ZHX3: variants seen among roughly 807,000 people sequenced by gnomAD.
ZHX3 encodes zinc fingers and homeoboxes protein 3.
Under a neutral mutation model 64.5 loss-of-function variants are expected in ZHX3, and 20 were observed. The observed-to-expected ratio is 0.31, with a 90% confidence interval of 0.22 to 0.45. The LOEUF (loss-of-function observed/expected upper bound fraction) is 0.45. Ranked by LOEUF, ZHX3 falls within the 20% of genes least tolerant of loss-of-function variation. The pLI, the probability that ZHX3 is intolerant of heterozygous loss-of-function variation, is 1.00. For missense variants in ZHX3, 1,041 were observed against 1,195.8 expected (o/e 0.87, Z 1.91); for synonymous variants, 423 against 461.6 (o/e 0.92, Z 1.07).
intron 1 of ZHX3, among the ~76,000 whole-genome samples, chr20:41,283,446 C>T (rs551722990): frequency 3.3e-5 from 5 of 152,288 alleles, no homozygotes; most frequent in African/African-American, 1.2e-4. Flanking sequence ...CCTGGGGAGA[C>T]AGTCACTGAA....
At chr20:41,262,644 G>A (rs6102331) in intron 2 of ZHX3, among the ~76,000 whole-genome samples, 1 of 152,198 alleles carries the variant, frequency 6.6e-6, no homozygotes, top group African/African-American at 2.4e-5. Context: ...CAACCTTGAA[G>A]GCAGGGACAG....
At chr20:41,220,373 G>C (rs766256120) in intron 2 of ZHX3, among the ~76,000 whole-genome samples, 2 of 152,230 alleles carry the variant, frequency 1.3e-5, no homozygotes, top group Non-Finnish European at 2.9e-5. Flanking sequence ...TGGAGAGCTA[G>C]AAAGGATTCA....
Position 41,181,903 on chromosome 20 carries a change from T to G in ZHX3, c.*3288A>C, listed in dbSNP as rs1487494597. 1 of 152,214 alleles carries G rather than the reference T, an allele frequency of 6.6e-6. No individual in the cohort carries two copies. The highest frequency in any genetic ancestry group is 1.5e-5 in the Non-Finnish European group (1 of 68,068). 9.4% of individuals were successfully genotyped at this position (152,214 alleles called of 1,614,324 possible). On this transcript the variant is annotated 3_prime_UTR_variant, in exon 4 of 4. Coordinates refer to ENST00000683867, the MANE Select transcript of ZHX3 (RefSeq NM_001384317.1). ...TTGTGTCAAGGTGCTTTGGTCCACCTGAACAGCCACCTGTCACTCAGCCAA... is the reference window on the plus strand; with the variant it reads ...TTGTGTCAAGGTGCTTTGGTCCACCGGAACAGCCACCTGTCACTCAGCCAA...
rs778697767 is a variant in ZHX3, at chr20:41,202,993, G to C, written c.1924C>G (p.Leu642Val). The change falls in exon 3 of 4, where the codon CTG (leucine) becomes GTG (valine). Residue 642 changes from leucine to valine, a missense_variant. This residue lies in a region of ZHX3 where 649 missense variants were observed against 739.8 expected (regional missense o/e 0.88). Coordinates refer to ENST00000683867, the MANE Select transcript of ZHX3 (RefSeq NM_001384317.1). This position sits in a 1 kb window ranked among gnomAD's most constrained non-coding sequence, Gnocchi z 7.0. ...TTGGTTTCACTTCTCAGGCGGTCCA[G>C]TTCCTCATCAAGAGGAAGAGGGTTT... ...AQNPLPLDEE[L>V]DRLRSETKMT... 1.2e-6 allele frequency: 2 copies of C among 1,614,138 alleles called. No homozygotes were observed. The highest frequency in any genetic ancestry group is 4.5e-5 in the East Asian group (2 of 44,884).
chr20:41,271,702 C>T (rs757379811), intron 1 of ZHX3, among the ~76,000 whole-genome samples: 9 of 152,160 alleles, frequency 5.9e-5, no homozygotes, highest in Non-Finnish European at 1.0e-4. Flanking sequence ...CTGAGTAAGA[C>T]GCTCTTCTCA....
At chr20:41,276,766 G>A (rs1182227313) in intron 1 of ZHX3, among the ~76,000 whole-genome samples, 1 of 152,132 alleles carries the variant, frequency 6.6e-6, no homozygotes, top group Non-Finnish European at 1.5e-5. Context: ...CTGCTAGACA[G>A]GAAAAAGGAG....
chr20:41,278,886 C>T (rs1007542287), intron 1 of ZHX3, among the ~76,000 whole-genome samples: 8 of 150,332 alleles, frequency 5.3e-5, no homozygotes, highest in Non-Finnish European at 5.9e-5. Flanking sequence ...CATTCTCCTG[C>T]CTCAGCCTCC....
chr20:41,237,601 CA>C (rs2041096543), intron 2 of ZHX3, among the ~76,000 whole-genome samples: 1 of 152,024 alleles, frequency 6.6e-6, no homozygotes, highest in African/African-American at 2.4e-5. Flanking sequence ...CATCACTCAC[CA>C]GGGCCTGTTG....
intron 2 of ZHX3, among the ~76,000 whole-genome samples, chr20:41,214,646 A>T (rs1185647290): frequency 6.6e-6 from 1 of 152,236 alleles, no homozygotes; most frequent in Non-Finnish European, 1.5e-5. Flanking sequence ...TTTTAGCAAC[A>T]TTACCCATTT....
chr20:41,293,298 A>G (rs1458847145), intron 1 of ZHX3, among the ~76,000 whole-genome samples: 1 of 152,244 alleles, frequency 6.6e-6, no homozygotes, highest in Non-Finnish European at 1.5e-5. Flanking sequence ...GGTAATTTGT[A>G]TGCACATCAC....
At chr20:41,261,170 A>C (rs948636523) in intron 2 of ZHX3, among the ~76,000 whole-genome samples, 2 of 152,232 alleles carry the variant, frequency 1.3e-5, no homozygotes, top group African/African-American at 4.8e-5. Flanking sequence ...CAATGTGAGA[A>C]GGAAGAGAGA....
In ZHX3 at chr20:41,204,318, T is replaced by C. The variant is rs1369813843; in HGVS notation, c.599A>G (p.His200Arg). The C allele has an allele frequency of 1.9e-6, 3 of 1,614,084 alleles. No individual in the cohort carries two copies. Among genetic ancestry groups the C allele is most frequent in the African/African-American group, 1.3e-5 (1 of 74,924 alleles). ...MKGKAEAKKI[H>R]TLKENVPSQP... The stretch of plus-strand genomic sequence containing the variant: ...GCTAGGGACATTCTCCTTGAGTGTA[T>C]GAATTTTTTTGGCTTCAGCTTTGCC... Residue 200 changes from histidine (H) to arginine (R), a missense_variant, in exon 3 of 4, where the codon CAT becomes CGT. His to Arg is a conservative substitution (Grantham distance 29). Transcript: ENST00000683867. The surrounding 1 kb of genome is among the most constrained non-coding windows in gnomAD (Gnocchi z 6.6).
intron 2 of ZHX3, among the ~76,000 whole-genome samples, chr20:41,221,012 G>A (rs958174957): frequency 6.6e-6 from 1 of 151,946 alleles, no homozygotes; most frequent in Admixed American, 6.6e-5. Context: ...TTGGAAAAAC[G>A]TGATTTTTTG....
rs1045236808 is a variant in ZHX3, at chr20:41,183,057, G to C, written c.*2134C>G. ...GCCTGGGCCGCCCCAGCTGCCTAGT[G>C]CACTGGTGTCCCTCCAACACAGGCT... On this transcript the variant is annotated 3_prime_UTR_variant, in exon 4 of 4. Transcript: ENST00000683867. The surrounding 1 kb of genome is among the most constrained non-coding windows in gnomAD (Gnocchi z 5.3). 1 of 152,186 alleles carries C rather than the reference G, an allele frequency of 6.6e-6. No homozygotes were observed. The highest frequency in any genetic ancestry group is 1.5e-5 in the Non-Finnish European group (1 of 68,048). 9.4% of individuals were successfully genotyped at this position (152,186 alleles called of 1,614,324 possible). A position where few individuals can be genotyped will look rare whatever the true frequency, so the allele number is the denominator to read the frequency against.
At chr20:41,301,471 C>T (rs1352338654) in intron 1 of ZHX3, among the ~76,000 whole-genome samples, 1 of 152,186 alleles carries the variant, frequency 6.6e-6, no homozygotes, top group East Asian at 1.9e-4. Context: ...ACCTCTCCTC[C>T]TCTTAGTCTT....
intron 2 of ZHX3, among the ~76,000 whole-genome samples, chr20:41,214,702 A>C (rs1355633403): frequency 6.6e-6 from 1 of 152,192 alleles, no homozygotes; most frequent in Non-Finnish European, 1.5e-5. Context: ...AGGGGTTAAA[A>C]ATGGTGCTTA....
chr20:41,255,094 G>A (rs1414616264), intron 2 of ZHX3, among the ~76,000 whole-genome samples: 1 of 152,116 alleles, frequency 6.6e-6, no homozygotes, highest in East Asian at 1.9e-4. Flanking sequence ...TAAAAGGTAG[G>A]TCAGGGTGGT....
At chr20:41,308,853 T>C (rs2045051778) in intron 1 of ZHX3, among the ~76,000 whole-genome samples, 2 of 152,202 alleles carry the variant, frequency 1.3e-5, no homozygotes. Context: ...TGTTTTTAAA[T>C]CCAGTATCTT....
At chr20:41,303,583 T>C (rs987783501) in intron 1 of ZHX3, among the ~76,000 whole-genome samples, 2 of 152,118 alleles carry the variant, frequency 1.3e-5, no homozygotes, top group African/African-American at 2.4e-5. Context: ...TCTATAGACT[T>C]CTCTGTATCC....
Sources: allele counts gnomAD v4.1 joint callset (sites outside exome capture counted in the v4.1 genomes callset), GRCh38; gene constraint gnomAD v4.1.1; regional missense constraint gnomAD v4.1.1; non-coding constraint Gnocchi (gnomAD v3.1); transcripts MANE v1.5; gene names NCBI Gene and HGNC (gene_info 2026-07-23, HGNC 2026-07-21).